The following NR1I3 variants were observed in gnomAD, a reference collection of about 807,000 sequenced individuals.
The protein encoded by NR1I3 is constitutive activator of retinoid response.
Under a neutral mutation model 38.4 loss-of-function variants are expected in NR1I3, and 30 were observed. The observed-to-expected ratio is 0.78, with a 90% CI of 0.58 to 1.06. The LOEUF (loss-of-function observed/expected upper bound fraction) is 1.06, where lower values mean the gene tolerates loss of function less well. Among genes scored for constraint, NR1I3 ranks in the 50% least tolerant of loss-of-function variants. The pLI is 0.00. For synonymous variants in NR1I3, 143 were observed against 165.1 expected, an observed-to-expected ratio of 0.87 and a Z score of 1.03; for missense variants, 388 against 435.7, an observed-to-expected ratio of 0.89 and a Z score of 0.97.
rs1193137108 is a variant in NR1I3, at chr1:161,229,766, A to T, written c.*31T>A. The T allele has an allele frequency of 6.2e-7, 1 of 1,614,130 alleles. No individual in the cohort carries two copies. The highest frequency in any genetic ancestry group is 1.3e-5 in the African/African-American group (1 of 74,944). Reference sequence around the variant, plus strand: ...CACTCCAGTGTATCCAGGGTGTTCCAGGTGAGCTGGGGAAGGAAGTGAGCA... The same window carrying T: ...CACTCCAGTGTATCCAGGGTGTTCCTGGTGAGCTGGGGAAGGAAGTGAGCA... On this transcript the variant is annotated 3_prime_UTR_variant, in exon 9 of 9. Coordinates refer to ENST00000367983, the MANE Select transcript of NR1I3 (RefSeq NM_005122.5).
In NR1I3 at chr1:161,238,054, G is replaced by A; in HGVS notation, c.-47C>T. The A allele has an allele frequency of 1.2e-6, 2 of 1,613,774 alleles. No individual in the cohort carries two copies. The highest frequency in any genetic ancestry group is 2.2e-5 in the East Asian group (1 of 44,872). On this transcript the variant is annotated 5_prime_UTR_variant, in exon 1 of 9. Coordinates refer to ENST00000367983, the MANE Select transcript of NR1I3 (RefSeq NM_005122.5). Reference sequence around the variant, plus strand: ...CAGATTTCCTACCTGCTTCTCTTAGGCAGCATGTCACCTGCAGGCCACAGA... The same window carrying A: ...CAGATTTCCTACCTGCTTCTCTTAGACAGCATGTCACCTGCAGGCCACAGA...
chr1:161,229,716 C>A lies in NR1I3; in HGVS notation c.*81G>T. 3.7e-6 allele frequency: 6 copies of A among 1,614,210 alleles called. No individual in the cohort carries two copies. Among genetic ancestry groups the A allele is most frequent in the Non-Finnish European group, 5.1e-6 (6 of 1,180,038 alleles). On this transcript the variant is annotated 3_prime_UTR_variant, in exon 9 of 9. Transcript: ENST00000367983. ...CCACTGGGCTCCCTTTGAACCCGGC[C>A]CAATCTTTGGTCCCAGCATTTTCCC...
At chr1:161,234,387 A>C (rs1220324107) in intron 3 of NR1I3, among the ~76,000 whole-genome samples, 1 of 152,184 alleles carries the variant, frequency 6.6e-6, no homozygotes, top group Admixed American at 6.5e-5. Context: ...GATTGAATTC[A>C]AACCAAAATC....
chr1:161,231,565 A>G, intron 5 of NR1I3, 91 bp from the exon 6 acceptor site: 1 of 1,290,618 alleles, frequency 7.7e-7, no homozygotes, highest in Non-Finnish European at 1.1e-6. Flanking sequence ...CAGTGGCGTG[A>G]TCTCTGCTCA....
chr1:161,237,353 C>T (rs957202656), intron 1 of NR1I3, among the ~76,000 whole-genome samples: 8 of 151,372 alleles, frequency 5.3e-5, no homozygotes, highest in South Asian at 2.1e-4. Flanking sequence ...TTAAGGTGCC[C>T]GCCACCATGC....
At position 161,238,040 on chromosome 1, in the gene NR1I3, C is replaced by A; in HGVS notation, c.-34+1G>T. On this transcript the variant is annotated splice_donor_variant, in intron 1 of 8. Transcript: ENST00000367983. LOFTEE classifies it low-confidence loss of function (5UTR_SPLICE). ...TCTTTGGTCCCCAACAGATTTCCTA[C>A]CTGCTTCTCTTAGGCAGCATGTCAC... is the stretch of plus-strand genomic sequence containing the variant. 1 of 1,613,608 alleles carries A rather than the reference C, an allele frequency of 6.2e-7. No homozygotes were observed. Among genetic ancestry groups the A allele is most frequent in the Non-Finnish European group, 8.5e-7 (1 of 1,179,524 alleles).
intron 2 of NR1I3, 105 bp downstream of exon 2, chr1:161,236,354 A>G (rs1344419991): frequency 4.4e-6 from 6 of 1,362,506 alleles, no homozygotes; most frequent in Non-Finnish European, 6.1e-6. Flanking sequence ...TCTAAGATAA[A>G]GGAGTAATGT....
intron 3 of NR1I3, among the ~76,000 whole-genome samples, chr1:161,234,904 C>T (rs1052107349): frequency 3.3e-5 from 5 of 152,104 alleles, no homozygotes; most frequent in African/African-American, 7.2e-5. Context: ...CTTTGGGAGG[C>T]GGAGGTGGGC....
At chr1:161,230,272 A>G (rs1666862329) in intron 8 of NR1I3, 1 of 319,162 alleles carries the variant, frequency 3.1e-6, no homozygotes. Flanking sequence ...TCTATGGTAT[A>G]AAGCATCCCC....
chr1:161,234,971 C>T (rs529541934), intron 3 of NR1I3, among the ~76,000 whole-genome samples: 31 of 152,174 alleles, frequency 2.0e-4, no homozygotes, highest in Non-Finnish European at 4.0e-4. Flanking sequence ...GAAAGCTCAT[C>T]TCTACTAAAA....
rs1288697071 is a variant in NR1I3 at position 161,232,846 on chromosome 1, A to G, written c.509T>C (p.Leu170Pro). The change falls in exon 5 of 9, where the codon CTG becomes CCG. Residue 170 changes from leucine (L) to proline (P), a missense_variant. By Grantham distance (98) the Leu-to-Pro change is moderately conservative. Coordinates refer to ENST00000367983, the MANE Select transcript of NR1I3 (RefSeq NM_005122.5). ...GTCCTTAGTAAACTTGATGACTTGC[A>G]GTACCATGAAAGTGTTGATGTCTGC... ...HFADINTFMV[L>P]QVIKFTKDLP... is the part of the protein sequence containing the mutation. 3 of 1,614,138 alleles carry G rather than the reference A, an allele frequency of 1.9e-6. No homozygotes were observed. The African/African-American group carries it at 4.0e-5, about 22-fold the overall frequency.
intron 1 of NR1I3, among the ~76,000 whole-genome samples, chr1:161,237,579 ATCGTGGCATGTGCCTGTAG>A (rs1049621029): frequency 4.0e-5 from 6 of 151,652 alleles, no homozygotes; most frequent in African/African-American, 7.3e-5. Context: ...TTAGCTGGGC[ATCGTGGCATGTGCCTGTAG>A]TCCCAGCTAT....
chr1:161,233,411 G>A (rs1457037583), intron 3 of NR1I3, 73 bp from the exon 4 acceptor site: 5 of 1,537,084 alleles, frequency 3.3e-6, no homozygotes, highest in African/African-American at 1.4e-5. Context: ...TCCCTGATCT[G>A]GGGCCCCTCA....
chr1:161,230,863 T>C lies in NR1I3; in HGVS notation c.867A>G (p.Ala289=), dbSNP rs1240694030. 1 of 1,614,148 alleles carries C rather than the reference T, an allele frequency of 6.2e-7. No homozygotes were observed. Among genetic ancestry groups the C allele is most frequent in the Middle Eastern group, 1.7e-4 (1 of 6,060 alleles). ...CCTTGATGTAGCTTTGCAGAGTCAG[T>C]GCCATCTCCTCTTGCAGCTGATCAA... The part of the protein sequence containing the change: ...DEIDQLQEEM[A]LTLQSYIKGQ... Residue 289 remains alanine (A), a synonymous_variant, in exon 8 of 9, where the codon GCA becomes GCG. Coordinates refer to ENST00000367983, the MANE Select transcript of NR1I3 (RefSeq NM_005122.5).
chr1:161,232,953 TG>T lies in NR1I3; in HGVS notation c.409-8del, dbSNP rs1465945702. ...TGAACAGATGAGCTGGAGGCTGCAA[TG>T]ATCAGAACATTAGCTAGAGGCTCTG... is the stretch of plus-strand genomic sequence containing the variant. On this transcript the variant is annotated splice_region_variant and splice_polypyrimidine_tract_variant and intron_variant, in intron 4 of 8. Coordinates refer to ENST00000367983, the MANE Select transcript of NR1I3 (RefSeq NM_005122.5). 34 of 1,614,038 alleles carry T rather than the reference TG, an allele frequency of 2.1e-5. No homozygotes were observed. The highest frequency in any genetic ancestry group is 2.7e-5 in the Non-Finnish European group (32 of 1,180,026).
In NR1I3 at chr1:161,238,182, A is replaced by G; in HGVS notation, c.-175T>C. 2 of 1,561,510 alleles carry G rather than the reference A, an allele frequency of 1.3e-6. No homozygotes were observed. Among genetic ancestry groups the G allele is most frequent in the Non-Finnish European group, 8.7e-7 (1 of 1,144,424 alleles). On this transcript the variant is annotated 5_prime_UTR_variant, in exon 1 of 9. Transcript: ENST00000367983. ...GGAGTTAGGGATTATGACCCGTAGTATCTGGAAAACAAGAGATGTCTGTTT... is the reference window on the plus strand; with the variant it reads ...GGAGTTAGGGATTATGACCCGTAGTGTCTGGAAAACAAGAGATGTCTGTTT...
chr1:161,231,068 T>TG, intron 7 of NR1I3, 49 bp downstream of exon 7: 4 of 1,614,020 alleles, frequency 2.5e-6, no homozygotes, highest in Non-Finnish European at 3.4e-6. Context: ...GCTGAGTATT[T>TG]GGGCAGAGGT....
intron 3 of NR1I3, among the ~76,000 whole-genome samples, chr1:161,234,935 TTTGA>T (rs2102177003): frequency 6.6e-6 from 1 of 152,102 alleles, no homozygotes; most frequent in South Asian, 2.1e-4. Flanking sequence ...AGGCCAGGAG[TTTGA>T]GACCAGCGTG....
chr1:161,231,955 C>T (rs924070096), intron 5 of NR1I3, among the ~76,000 whole-genome samples: 4 of 152,076 alleles, frequency 2.6e-5, no homozygotes, highest in Non-Finnish European at 5.9e-5. Context: ...AGCCACTGTG[C>T]CCAGCCGACA....
Sources: gnomAD v4.1 joint callset for allele counts (sites outside exome capture counted in the v4.1 genomes callset) on GRCh38, gnomAD v4.1.1 for gene constraint, MANE v1.5 for transcripts, NCBI Gene and HGNC (gene_info 2026-07-23, HGNC 2026-07-21) for gene names.